The following NUDT6 variants were observed in gnomAD, a reference collection of about 807,000 sequenced individuals.
NUDT6 encodes the protein FAD diphosphatase NUDT6.
NUDT6 carries 24 observed loss-of-function variants against 36.8 expected under a neutral mutation model. The observed-to-expected ratio is 0.65, with a 90% CI of 0.47 to 0.92. NUDT6 has a LOEUF of 0.92. NUDT6 is among the 40% of genes least tolerant of loss of function. NUDT6 has a pLI of 0.00. For missense variants in NUDT6, 388 were observed against 392.8 expected (o/e 0.99, Z 0.10); for synonymous variants, 163 against 157.0 (o/e 1.04, Z -0.29).
rs935299140 is a variant in NUDT6 at position 122,897,627 on chromosome 4, T to C, written c.550A>G (p.Ile184Val). The stretch of plus-strand genomic sequence containing the variant: ...TAAAAATATAAAAGATACACACCAA[T>C]ATCTTCTTCAGGCTCTGACAGGCCT... ...PGGLSEPEED[I>V]GDTAVREVFE... Residue 184 changes from isoleucine (I) to valine (V), a missense_variant, in exon 4 of 5, where the codon ATT becomes GTT. By Grantham distance (29) the Ile-to-Val change is conservative (BLOSUM62 3). Coordinates refer to ENST00000304430, the MANE Select transcript of NUDT6 (RefSeq NM_007083.5). 7.5e-6 allele frequency: 12 copies of C among 1,598,710 alleles called. No homozygotes were observed. The African/African-American group carries it at 1.5e-4, about 20-fold the overall frequency.
At chr4:122,897,314 C>G (rs935415415) in intron 4 of NUDT6, 1 of 285,310 alleles carries the variant, frequency 3.5e-6, no homozygotes, top group East Asian at 8.1e-5. Flanking sequence ...TCCAAAATAA[C>G]CTTTAATGCT....
At chr4:122,916,126 G>A (rs1191805388) in intron 2 of NUDT6, among the ~76,000 whole-genome samples, 2 of 152,142 alleles carry the variant, frequency 1.3e-5, no homozygotes, top group Non-Finnish European at 2.9e-5. Flanking sequence ...AGCAGCAGCA[G>A]CAGCAGCAAA....
rs566875783 is a variant in NUDT6, at chr4:122,922,298, T to C, written c.238+37A>G. On this transcript the variant is annotated intron_variant, in intron 1 of 4. Transcript: ENST00000304430. Reference sequence around the variant, plus strand: ...CGCGGTTATTTCATTAGAAAAGCTCTGGAGCCCCGGGAGCCCTTCGTCCCA... The same window carrying C: ...CGCGGTTATTTCATTAGAAAAGCTCCGGAGCCCCGGGAGCCCTTCGTCCCA... 136 of 1,556,496 alleles carry C rather than the reference T, an allele frequency of 8.7e-5. 3 individuals carry two copies. In the South Asian group the frequency reaches 1.4e-3, roughly 16 times the overall value.
chr4:122,903,797 T>C (rs144836263), intron 3 of NUDT6, among the ~76,000 whole-genome samples: 148 of 152,242 alleles, frequency 9.7e-4, no homozygotes, highest in African/African-American at 3.3e-3. Flanking sequence ...TTCCTTCCCA[T>C]AGTATCAGCA....
upstream of NUDT6, chr4:122,922,912 C>T (rs747623106): frequency 1.7e-6 from 1 of 589,030 alleles, no homozygotes; most frequent in East Asian, 2.9e-5. Flanking sequence ...GTGGCAGTTC[C>T]GTTCCTGGAA....
chr4:122,915,842 G>A (rs937319973), intron 2 of NUDT6, among the ~76,000 whole-genome samples: 5 of 152,120 alleles, frequency 3.3e-5, no homozygotes, highest in African/African-American at 9.7e-5. Flanking sequence ...AGAGCTGAAC[G>A]GAGAGTTTCT....
Position 122,893,953 on chromosome 4 carries a change from A to T in NUDT6, c.554-728T>A, listed in dbSNP as rs527244941. 2.0e-5 allele frequency: 3 copies of T among 152,338 alleles called. No individual in the cohort carries two copies. The East Asian group carries it at 5.8e-4, about 29-fold the overall frequency. 9.4% of individuals were successfully genotyped at this position (152,338 alleles called of 1,614,324 possible). A position where few individuals can be genotyped will look rare whatever the true frequency, so the allele number is the denominator to read the frequency against. ...TGTCACAGACAAAGATTTTTGTTCC[A>T]ATACTCGTTTTGCCTCTATTTTTCT... is the stretch of plus-strand genomic sequence containing the variant. On this transcript the variant is annotated intron_variant, in intron 4 of 4. Transcript: ENST00000304430.
intron 2 of NUDT6, among the ~76,000 whole-genome samples, chr4:122,916,290 G>C (rs1027259994): frequency 6.6e-6 from 1 of 152,096 alleles, no homozygotes; most frequent in African/African-American, 2.4e-5. Context: ...TTACTCTGAG[G>C]GAAGTCTTCT....
In NUDT6 at chr4:122,893,009, G is replaced by A. The variant is rs45606640; in HGVS notation, c.770C>T (p.Thr257Ile). 2,601 of 1,614,112 alleles carry A rather than the reference G, an allele frequency of 1.6e-3. 8 individuals carry two copies. The highest frequency in any genetic ancestry group is 1.4e-3 in the Non-Finnish European group (1,639 of 1,180,034). The stretch of plus-strand genomic sequence containing the variant: ...GCTGGTGATGGGAGTTGTATTTTCA[G>A]TCTTCGCCAGGTCATTGAGATCCAT... ...EWMDLNDLAK[T>I]ENTTPITSRV... Residue 257 changes from threonine to isoleucine, a missense_variant, in exon 5 of 5, where the codon ACT becomes ATT. Coordinates refer to ENST00000304430, the MANE Select transcript of NUDT6 (RefSeq NM_007083.5).
chr4:122,919,295 C>A (rs1380983907), intron 1 of NUDT6: 2 of 152,324 alleles, frequency 1.3e-5, no homozygotes, highest in Non-Finnish European at 2.9e-5. Flanking sequence ...CGGCTCACTG[C>A]AACCTCTGCT....
At chr4:122,894,143 T>G (rs1727277539) in intron 4 of NUDT6, 1 of 152,238 alleles carries the variant, frequency 6.6e-6, no homozygotes, top group Admixed American at 6.5e-5. Flanking sequence ...GCTCTTGTTT[T>G]TTCCCTCTAA....
chr4:122,921,201 T>TA (rs1269663037), intron 1 of NUDT6: 1 of 152,208 alleles, frequency 6.6e-6, no homozygotes, highest in Non-Finnish European at 1.5e-5. Context: ...AGCGTTATTC[T>TA]AAAAAACTCC....
intron 4 of NUDT6, chr4:122,895,941 T>C (rs1321488084): frequency 1.3e-5 from 2 of 152,624 alleles, no homozygotes; most frequent in Non-Finnish European, 2.9e-5. Flanking sequence ...TCATTAAGAA[T>C]ATCTTTTGTT....
chr4:122,893,559 T>A (rs1727255497), intron 4 of NUDT6: 1 of 188,184 alleles, frequency 5.3e-6, no homozygotes, highest in Non-Finnish European at 1.1e-5. Flanking sequence ...AGTTAAAACA[T>A]TTTGCATGGC....
intron 2 of NUDT6, 132 bp downstream of exon 2, chr4:122,917,369 G>T (rs1053355318): frequency 1.0e-5 from 8 of 797,592 alleles, no homozygotes; most frequent in Non-Finnish European, 1.7e-5. Flanking sequence ...GTGCAGATAG[G>T]GTGGAACCAC....
At position 122,912,618 on chromosome 4, in the gene NUDT6, C is replaced by T. The variant is rs1186181590; in HGVS notation, c.448G>A (p.Val150Ile). Residue 150 changes from valine to isoleucine, a missense_variant, in exon 3 of 5, where the codon GTA becomes ATA. Val to Ile is a conservative substitution (Grantham distance 29, BLOSUM62 3). Transcript: ENST00000304430. ...ASHQVGVAGAVFDESTRKILV... is the reference protein window; with the variant it reads ...ASHQVGVAGAIFDESTRKILV... Reference sequence around the variant, plus strand: ...ATTTTTCTAGTACTTTCATCAAATACAGCTCCTATTAGGGGAAAAAGAAAA... The same window carrying T: ...ATTTTTCTAGTACTTTCATCAAATATAGCTCCTATTAGGGGAAAAAGAAAA... 3.2e-6 allele frequency: 5 copies of T among 1,564,338 alleles called. No individual in the cohort carries two copies. Among genetic ancestry groups the T allele is most frequent in the Non-Finnish European group, 4.4e-6 (5 of 1,135,602 alleles).
chr4:122,903,833 A>G (rs781102098), intron 3 of NUDT6, among the ~76,000 whole-genome samples: 10 of 152,178 alleles, frequency 6.6e-5, no homozygotes, highest in Admixed American at 1.3e-4. Flanking sequence ...TTTTCCTAAC[A>G]TTTGTAAAAG....
In NUDT6 at chr4:122,922,376, A is replaced by C; in HGVS notation, c.197T>G (p.Leu66Arg). The C allele has an allele frequency of 6.2e-7, 1 of 1,606,636 alleles. No individual in the cohort carries two copies. Among genetic ancestry groups the C allele is most frequent in the Non-Finnish European group, 8.5e-7 (1 of 1,179,516 alleles). The change falls in exon 1 of 5, where the codon CTG (leucine) becomes CGG (arginine). Residue 66 changes from leucine (L) to arginine (R), a missense_variant. Physicochemically the swap from Leu to Arg is moderately radical, Grantham distance 102 (BLOSUM62 -2). Coordinates refer to ENST00000304430, the MANE Select transcript of NUDT6 (RefSeq NM_007083.5). ...ISVRLARLDA[L>R]DRLDAAAFQK... ...GAAGGCGGCAGCGTCCAGGCGGTCC[A>C]GCGCATCGAGCCGCGCCAGGCGCAC...
chr4:122,903,712 A>C (rs1035755133), intron 3 of NUDT6, among the ~76,000 whole-genome samples: 4 of 152,122 alleles, frequency 2.6e-5, no homozygotes, highest in Non-Finnish European at 5.9e-5. Flanking sequence ...CTAGCTCCTT[A>C]ATGTGGGCCT....
Sources: allele counts gnomAD v4.1 joint callset (sites outside exome capture counted in the v4.1 genomes callset), GRCh38; gene constraint gnomAD v4.1.1; transcripts MANE v1.5; gene names NCBI Gene and HGNC (gene_info 2026-07-23, HGNC 2026-07-21).